The following CA10 variants were observed in gnomAD, a reference collection of about 807,000 sequenced individuals.
The protein encoded by CA10 is carbonic anhydrase-related protein 10.
A neutral mutation model predicts 44.2 loss-of-function variants in CA10; 14 were observed. The observed-to-expected ratio is 0.32, with a 90% CI of 0.21 to 0.50. The LOEUF is 0.50. Ranked by LOEUF, CA10 falls within the 20% of genes least tolerant of loss-of-function variation. The pLI is 0.99. For synonymous variants in CA10, 159 were observed against 141.6 expected, an observed-to-expected ratio of 1.12 and a Z score of -0.87; for missense variants, 350 against 409.7, an observed-to-expected ratio of 0.85 and a Z score of 1.26.
intron 4 of CA10, among the ~76,000 whole-genome samples, chr17:51,713,161 G>T (rs1341356204): frequency 6.6e-6 from 1 of 152,226 alleles, no homozygotes; most frequent in Non-Finnish European, 1.5e-5. Context: ...CTACTTTAGA[G>T]ATGTGGAAGG....
intron 2 of CA10, among the ~76,000 whole-genome samples, chr17:52,037,666 G>A (rs1235540685): frequency 6.6e-6 from 1 of 152,054 alleles, no homozygotes; most frequent in African/African-American, 2.4e-5. Context: ...CAAGCCCTCT[G>A]TGATCCCCAG....
chr17:52,016,631 G>A (rs1354314534), intron 2 of CA10, among the ~76,000 whole-genome samples: 1 of 152,018 alleles, frequency 6.6e-6, no homozygotes, highest in Non-Finnish European at 1.5e-5. Flanking sequence ...AAGACCCTGG[G>A]GCCAGATGTG....
intron 2 of CA10, among the ~76,000 whole-genome samples, chr17:51,954,546 G>A (rs908806637): frequency 6.6e-6 from 1 of 152,126 alleles, no homozygotes; most frequent in African/African-American, 2.4e-5. Flanking sequence ...AAATAAAAAA[G>A]CTAAGGCACT....
chr17:51,906,388 C>A lies in CA10; in HGVS notation c.279+24602G>T, dbSNP rs151056693. Among the ~76,000 whole-genome samples the A allele has an allele frequency of 1.3e-3, 191 of 152,132 alleles. 5 individuals are homozygous for A. In the South Asian group the frequency reaches 0.023, roughly 18 times the overall value. On this transcript the variant is annotated intron_variant, in intron 3 of 8. Transcript: ENST00000451037. ...GGAAAAAACTTTGTTCTTCTTTTGG[C>A]TTTTATGGCACCACACTTTCTGGAT...
intron 3 of CA10, among the ~76,000 whole-genome samples, chr17:51,765,735 GCA>G (rs796632495): frequency 1.1e-3 from 165 of 150,970 alleles, no homozygotes; most frequent in East Asian, 8.4e-3. Context: ...ATGTGTGTGT[GCA>G]TGCATGTGTT....
At position 51,889,661 on chromosome 17, in the gene CA10, G is replaced by T. The variant is rs147550255; in HGVS notation, c.279+41329C>A. Among the ~76,000 whole-genome samples, 364 of 152,310 alleles carry T rather than the reference G, an allele frequency of 2.4e-3. 1 individual carries two copies. Among genetic ancestry groups the T allele is most frequent in the Non-Finnish European group, 4.2e-3 (287 of 68,028 alleles). ...CATTGGGGGCCACCTTTGGAGACTA[G>T]CTGCTAGGCTTGCCTACATTATAAT... is the stretch of plus-strand genomic sequence containing the variant. On this transcript the variant is annotated intron_variant, in intron 3 of 8. Transcript: ENST00000451037.
intron 3 of CA10, among the ~76,000 whole-genome samples, chr17:51,917,566 G>A (rs1982053698): frequency 6.6e-6 from 1 of 152,224 alleles, no homozygotes; most frequent in Non-Finnish European, 1.5e-5. Context: ...CTTAGCTTCT[G>A]GGGAAGCCTC....
chr17:52,087,942 T>C (rs1472012580), intron 1 of CA10, among the ~76,000 whole-genome samples: 1 of 152,112 alleles, frequency 6.6e-6, no homozygotes, highest in Non-Finnish European at 1.5e-5. Flanking sequence ...AAAAGGATTT[T>C]AAAAGGAGCT....
intron 3 of CA10, among the ~76,000 whole-genome samples, chr17:51,841,881 GC>G (rs1157529379): frequency 1.3e-5 from 2 of 152,302 alleles, no homozygotes; most frequent in East Asian, 3.9e-4. Context: ...TGCTTCATCA[GC>G]AGTTCCATGC....
chr17:52,083,194 T>G (rs1465860329), intron 1 of CA10, among the ~76,000 whole-genome samples: 2 of 152,150 alleles, frequency 1.3e-5, no homozygotes, highest in Non-Finnish European at 2.9e-5. Flanking sequence ...CATAAAACTT[T>G]CTATTACAGC....
chr17:51,691,464 T>G (rs1417859674), intron 4 of CA10, among the ~76,000 whole-genome samples: 2 of 152,224 alleles, frequency 1.3e-5, no homozygotes, highest in Non-Finnish European at 2.9e-5. Context: ...ACATTTTGGA[T>G]ATCAACTTCT....
chr17:51,869,226 C>A (rs1979697521), intron 3 of CA10, among the ~76,000 whole-genome samples: 1 of 152,096 alleles, frequency 6.6e-6, no homozygotes, highest in Non-Finnish European at 1.5e-5. Context: ...ATGAAAATTT[C>A]AGCCTTGAAC....
intron 6 of CA10, among the ~76,000 whole-genome samples, chr17:51,638,201 G>A (rs9912333): frequency 0.028 from 4,333 of 152,228 alleles, 206 homozygotes; most frequent in African/African-American, 0.098. Context: ...CCAATCGTTT[G>A]GAATGATATA....
chr17:52,087,807 C>T (rs139675510), intron 1 of CA10, among the ~76,000 whole-genome samples: 15 of 152,192 alleles, frequency 9.9e-5, no homozygotes, highest in Non-Finnish European at 2.2e-4. Context: ...GTGTTTTATG[C>T]CCCCCTTATT....
Position 51,883,967 on chromosome 17 carries a change from A to G in CA10, c.279+47023T>C, listed in dbSNP as rs546279167. Among the ~76,000 whole-genome samples the G allele has an allele frequency of 1.4e-4, 21 of 151,982 alleles. No homozygotes were observed. In the East Asian group the frequency reaches 3.7e-3, roughly 27 times the overall value. ...TCTCTCCCAAATCTGCTTTTCTTAT[A>G]TTTTTCTGCAAAATGATAAAGGATA... On this transcript the variant is annotated intron_variant, in intron 3 of 8. Coordinates refer to ENST00000451037, the MANE Select transcript of CA10 (RefSeq NM_020178.5).
intron 1 of CA10, among the ~76,000 whole-genome samples, chr17:52,103,868 G>A (rs773594730): frequency 3.0e-4 from 45 of 152,300 alleles, no homozygotes; most frequent in Middle Eastern, 3.4e-3. Context: ...TGGCATGGGC[G>A]CTGCCTCACA....
At chr17:51,797,340 G>A (rs2874009) in intron 3 of CA10, among the ~76,000 whole-genome samples, 3,811 of 152,292 alleles carry the variant, frequency 0.025, 155 homozygotes, top group African/African-American at 0.086. Context: ...GCACGCAGGC[G>A]CATGCGCGCG....
In CA10 at chr17:52,141,742, C is replaced by T. The variant is rs150539519; in HGVS notation, c.61+15984G>A. On this transcript the variant is annotated intron_variant, in intron 1 of 8. Transcript: ENST00000451037. ...AGCTCTGGTCTGAGTTGTGTTATAT[C>T]TAGAAGGGACTTGGTGGTTTAGGGA... 1.3e-3 allele frequency among the ~76,000 whole-genome samples: 200 copies of T among 152,170 alleles called. 1 individual carries two copies. The highest frequency in any genetic ancestry group is 4.7e-3 in the African/African-American group (194 of 41,524).
intron 6 of CA10, among the ~76,000 whole-genome samples, chr17:51,646,574 C>T (rs999918553): frequency 2.6e-5 from 4 of 152,134 alleles, no homozygotes; most frequent in African/African-American, 9.7e-5. Context: ...GAGTTTTCTT[C>T]ATCTTAACCT....
Sources: gnomAD v4.1 joint callset for allele counts (sites outside exome capture counted in the v4.1 genomes callset) on GRCh38, gnomAD v4.1.1 for gene constraint, MANE v1.5 for transcripts, NCBI Gene and HGNC (gene_info 2026-07-23, HGNC 2026-07-21) for gene names.